Variants in CFLAR observed in about 807,000 individuals in gnomAD.
CFLAR encodes CASP8 and FADD like apoptosis regulator.
A neutral mutation model predicts 51.1 loss-of-function variants in CFLAR; 14 were observed. The observed-to-expected ratio is 0.27, with a 90% confidence interval of 0.18 to 0.43. The LOEUF (loss-of-function observed/expected upper bound fraction) is 0.43. Ranked by LOEUF, CFLAR falls within the 20% of genes least tolerant of loss-of-function variation. The probability of loss-of-function intolerance (pLI) is 1.00; values close to 1 mark genes in which losing one functional copy is unlikely to be tolerated. For missense variants in CFLAR, 390 were observed against 566.5 expected (o/e 0.69, Z 3.16); for synonymous variants, 210 against 211.6 (o/e 0.99, Z 0.06).
chr2:201,122,697 T>C (rs1251197135), intron 1 of CFLAR: 3 of 152,204 alleles, frequency 2.0e-5, no homozygotes, highest in Admixed American at 2.0e-4. Context: ...GATTTGGGGA[T>C]CAAGACAAGC....
At chr2:201,155,175 A>G (rs1212485625) in intron 8 of CFLAR, among the ~76,000 whole-genome samples, 1 of 152,238 alleles carries the variant, frequency 6.6e-6, no homozygotes, top group African/African-American at 2.4e-5. Flanking sequence ...CATCTCTGAC[A>G]GATGGGCTTT....
At position 201,138,696 on chromosome 2, in the gene CFLAR, A is replaced by G. The variant is rs2125739020; in HGVS notation, c.524-1661A>G. The G allele has an allele frequency of 2.4e-6, 2 of 845,496 alleles. No individual in the cohort carries two copies. Among genetic ancestry groups the G allele is most frequent in the Non-Finnish European group, 4.1e-6 (2 of 490,944 alleles). The allele number at this position is 845,496 out of a possible 1,614,324, so 52.4% of individuals were successfully genotyped here. ...ATCACCCACAGTGTGCAAGGGGCTC[A>G]GCACCACGGGGTGTGTGATAAAGCC... On this transcript the variant is annotated intron_variant, in intron 4 of 9. Coordinates refer to ENST00000309955, the MANE Select transcript of CFLAR (RefSeq NM_003879.7). The surrounding 1 kb of genome is among the most constrained non-coding windows in gnomAD (Gnocchi z 4.0).
rs982123948 is a variant in CFLAR at position 201,164,824 on chromosome 2, C to T, written c.*851C>T. 1.3e-5 allele frequency: 2 copies of T among 152,150 alleles called. No homozygotes were observed. Among genetic ancestry groups the T allele is most frequent in the African/African-American group, 4.8e-5 (2 of 41,444 alleles). The allele number at this position is 152,150 out of a possible 1,614,324, so 9.4% of individuals were successfully genotyped here. A position where few individuals can be genotyped will look rare whatever the true frequency, so the allele number is the denominator to read the frequency against. The stretch of plus-strand genomic sequence containing the variant: ...AAACAGCAGTTATTTCTCACAGTTC[C>T]GGAGGCTGGGAAATCCAACATCTAA... On this transcript the variant is annotated 3_prime_UTR_variant, in exon 10 of 10. Coordinates refer to ENST00000309955, the MANE Select transcript of CFLAR (RefSeq NM_003879.7).
intron 8 of CFLAR, among the ~76,000 whole-genome samples, chr2:201,159,250 G>T (rs1026260851): frequency 6.6e-6 from 1 of 151,944 alleles, no homozygotes; most frequent in Non-Finnish European, 1.5e-5. Flanking sequence ...GATGCTTATT[G>T]ATTATAGACT....
At chr2:201,154,141 G>A in intron 8 of CFLAR, 1 of 289,834 alleles carries the variant, frequency 3.5e-6, no homozygotes, top group South Asian at 2.7e-5. Flanking sequence ...GCCCAGGTTG[G>A]AGTGCAATGG....
chr2:201,159,485 T>C (rs943526824), intron 8 of CFLAR, among the ~76,000 whole-genome samples: 1 of 151,876 alleles, frequency 6.6e-6, no homozygotes, highest in African/African-American at 2.4e-5. Flanking sequence ...AATTTTTGTA[T>C]TTTTAGTAGA....
Position 201,116,217 on chromosome 2 carries a change from C to T in CFLAR, c.-402C>T, listed in dbSNP as rs1289911754. 1 of 152,268 alleles carries T rather than the reference C, an allele frequency of 6.6e-6. No individual in the cohort carries two copies. Among genetic ancestry groups the T allele is most frequent in the South Asian group, 2.1e-4 (1 of 4,834 alleles). 9.4% of individuals were successfully genotyped at this position (152,268 alleles called of 1,614,324 possible). A position where few individuals can be genotyped will look rare whatever the true frequency, so the allele number is the denominator to read the frequency against. On this transcript the variant is annotated 5_prime_UTR_variant, in exon 1 of 10. Transcript: ENST00000309955. The surrounding 1 kb of genome is among the most constrained non-coding windows in gnomAD (Gnocchi z 4.8). ...TTGCAGCCTCACCGACGAGTCTCAA[C>T]TAAAAGGGACTCCCGGAGCTAGGGG... is the stretch of plus-strand genomic sequence containing the variant.
chr2:201,124,936 T>C lies in CFLAR; in HGVS notation c.-137-4793T>C, dbSNP rs1055975812. On this transcript the variant is annotated intron_variant, in intron 1 of 9. Transcript: ENST00000309955. The surrounding 1 kb of genome is among the most constrained non-coding windows in gnomAD (Gnocchi z 4.7). ...CAGATGAAAGAGGACTTCCAAGTTT[T>C]TGGATGTGGCAACCAGGAGGTCACC... Among the ~76,000 whole-genome samples the C allele has an allele frequency of 6.6e-6, 1 of 152,138 alleles. No homozygotes were observed. Among genetic ancestry groups the C allele is most frequent in the Non-Finnish European group, 1.5e-5 (1 of 68,022 alleles).
At chr2:201,141,610 T>C in intron 5 of CFLAR, 1 of 1,316,672 alleles carries the variant, frequency 7.6e-7, no homozygotes, top group Non-Finnish European at 9.7e-7. Flanking sequence ...GTGCATTTGT[T>C]TTTTTACTGA....
At chr2:201,163,338 G>A in intron 9 of CFLAR, 1 of 1,186,646 alleles carries the variant, frequency 8.4e-7, no homozygotes, top group South Asian at 2.4e-5. Flanking sequence ...AAGATTAACT[G>A]GCCTTTTTCA....
Position 201,166,154 on chromosome 2 carries a change from G to A in CFLAR, c.*2181G>A, listed in dbSNP as rs1458130285. On this transcript the variant is annotated 3_prime_UTR_variant, in exon 10 of 10. Transcript: ENST00000309955. ...GGGCTCCTCACTTCCCAGATGGGGC[G>A]GCCAGGCGGACGCGCCCCCCACCTC... 8.4e-5 allele frequency: 14 copies of A among 166,504 alleles called. No homozygotes were observed. Among genetic ancestry groups the A allele is most frequent in the East Asian group, 5.4e-4 (3 of 5,524 alleles). The allele number at this position is 166,504 out of a possible 1,614,324, so 10.3% of individuals were successfully genotyped here.
intron 1 of CFLAR, among the ~76,000 whole-genome samples, chr2:201,123,290 T>C (rs185562173): frequency 1.0e-3 from 153 of 152,344 alleles, no homozygotes; most frequent in Non-Finnish European, 2.1e-3. Context: ...TCATGAAAAG[T>C]CTGTTCTTAG....
chr2:201,148,991 C>G lies in CFLAR; in HGVS notation c.662-12C>G. The G allele has an allele frequency of 3.1e-6, 5 of 1,608,874 alleles. No homozygotes were observed. The highest frequency in any genetic ancestry group is 4.5e-5 in the East Asian group (2 of 44,840). ...TCAGCTTTGTAAATGGTTTCTCTCT[C>G]TCATCCCCCAGAAGAACCAGTGAAG... is the stretch of plus-strand genomic sequence containing the variant. On this transcript the variant is annotated splice_polypyrimidine_tract_variant and intron_variant, in intron 6 of 9. Coordinates refer to ENST00000309955, the MANE Select transcript of CFLAR (RefSeq NM_003879.7).
chr2:201,130,181 G>T (rs759945996), intron 2 of CFLAR, 35 bp downstream of exon 2: 2 of 1,422,788 alleles, frequency 1.4e-6, no homozygotes, highest in East Asian at 2.5e-5. Context: ...CTGGGTGGGT[G>T]GGAGGGAGTG....
intron 5 of CFLAR, among the ~76,000 whole-genome samples, chr2:201,142,388 A>T (rs1358457394): frequency 6.6e-6 from 1 of 152,120 alleles, no homozygotes. Context: ...TGTAAGAGAC[A>T]CTACTGAGCA....
At position 201,166,082 on chromosome 2, in the gene CFLAR, A is replaced by G. The variant is rs1365728400; in HGVS notation, c.*2109A>G. The G allele has an allele frequency of 1.9e-4, 37 of 189,850 alleles. 3 individuals are homozygous for G. The Admixed American group carries it at 2.0e-3, about 10-fold the overall frequency. The allele number at this position is 189,850 out of a possible 1,614,324, so 11.8% of individuals were successfully genotyped here. On this transcript the variant is annotated 3_prime_UTR_variant, in exon 10 of 10. Coordinates refer to ENST00000309955, the MANE Select transcript of CFLAR (RefSeq NM_003879.7). ...CCATCGTCATCATGGCCTGTTCTCA[A>G]TGAGCTGTTGGGTACACCTCCCAGA...
Position 201,145,407 on chromosome 2 carries a change from A to G in CFLAR, c.636A>G (p.Arg212=). 1 of 1,607,948 alleles carries G rather than the reference A, an allele frequency of 6.2e-7. No homozygotes were observed. Among genetic ancestry groups the G allele is most frequent in the Non-Finnish European group, 8.5e-7 (1 of 1,174,970 alleles). The change falls in exon 6 of 10, where the codon AGA becomes AGG. Residue 212 remains arginine (R), a synonymous_variant. Transcript: ENST00000309955. The part of the protein sequence containing the change: ...RLHNGRSKEQ[R]LKEQLGAQQE... The stretch of plus-strand genomic sequence containing the variant: ...ATAATGGGAGAAGTAAAGAACAAAG[A>G]CTTAAGGAACAGCTTGGCGCTCAAC...
intron 9 of CFLAR, chr2:201,162,998 G>C: frequency 1.3e-6 from 1 of 748,772 alleles, no homozygotes; most frequent in Admixed American, 1.8e-5. Context: ...TTTTCTAGGG[G>C]GACAATTCCC....
intron 9 of CFLAR, among the ~76,000 whole-genome samples, 198 bp downstream of exon 9, chr2:201,161,140 A>G (rs1467040906): frequency 6.6e-6 from 1 of 152,208 alleles, no homozygotes; most frequent in Non-Finnish European, 1.5e-5. Context: ...GTTAGTTTGT[A>G]GTTTGAATAC....
Sources: allele counts gnomAD v4.1 joint callset (sites outside exome capture counted in the v4.1 genomes callset), GRCh38; gene constraint gnomAD v4.1.1; non-coding constraint Gnocchi (gnomAD v3.1); transcripts MANE v1.5; gene names NCBI Gene and HGNC (gene_info 2026-07-23, HGNC 2026-07-21).